PLXNC1: variants seen among roughly 807,000 people sequenced by gnomAD.
PLXNC1 encodes plexin C1.
A neutral mutation model predicts 178.2 loss-of-function variants in PLXNC1; 75 were observed. The observed-to-expected ratio is 0.42, with a 90% CI of 0.35 to 0.51. The LOEUF is 0.51. PLXNC1 is among the 20% of genes least tolerant of loss of function. The pLI is 0.02. For synonymous variants in PLXNC1, 790 were observed against 779.9 expected, an observed-to-expected ratio of 1.01 and a Z score of -0.22; for missense variants, 1,503 against 1,984.4, an observed-to-expected ratio of 0.76 and a Z score of 4.61.
rs555637123 is a variant in PLXNC1, at chr12:94,242,617, G to A, written c.2301-1321G>A. ...ATTTTATGGGGACACATTTTTTGGGGACACAGTTCAGTCCATAATAGTAAG... is the reference window on the plus strand; with the variant it reads ...ATTTTATGGGGACACATTTTTTGGGAACACAGTTCAGTCCATAATAGTAAG... On this transcript the variant is annotated intron_variant, in intron 11 of 30. Coordinates refer to ENST00000258526, the MANE Select transcript of PLXNC1 (RefSeq NM_005761.3). 2.6e-5 allele frequency among the ~76,000 whole-genome samples: 4 copies of A among 152,100 alleles called. No individual in the cohort carries two copies. The South Asian group carries it at 6.2e-4, about 24-fold the overall frequency.
At chr12:94,291,847 T>C (rs1967365154) in intron 23 of PLXNC1, among the ~76,000 whole-genome samples, 2 of 152,178 alleles carry the variant, frequency 1.3e-5, no homozygotes, top group South Asian at 4.1e-4. Context: ...GGGCTTCTAT[T>C]GATCCCATCA....
chr12:94,253,847 ATTTTTTT>A (rs1419261140), intron 15 of PLXNC1, among the ~76,000 whole-genome samples: 1 of 151,542 alleles, frequency 6.6e-6, no homozygotes, highest in African/African-American at 2.4e-5. Context: ...CTAATTTTCT[ATTTTTTT>A]GTAGAGACAG....
At chr12:94,257,232 G>C (rs1213371314) in intron 17 of PLXNC1, among the ~76,000 whole-genome samples, 1 of 152,172 alleles carries the variant, frequency 6.6e-6, no homozygotes, top group African/African-American at 2.4e-5. Context: ...TGGGGGCTGT[G>C]GGGGTAGGAT....
intron 1 of PLXNC1, among the ~76,000 whole-genome samples, chr12:94,156,965 G>C (rs970087878): frequency 6.6e-6 from 1 of 152,234 alleles, no homozygotes; most frequent in African/African-American, 2.4e-5. Flanking sequence ...TCCTTCCGAA[G>C]TGCTAAGATT....
chr12:94,267,925 C>T (rs1246590269), intron 21 of PLXNC1, among the ~76,000 whole-genome samples: 1 of 152,040 alleles, frequency 6.6e-6, no homozygotes, highest in Non-Finnish European at 1.5e-5. Flanking sequence ...CCCAAATTTG[C>T]CTGAGGTGGT....
At chr12:94,179,732 C>A (rs563826744) in intron 2 of PLXNC1, among the ~76,000 whole-genome samples, 396 of 124,170 alleles carry the variant, frequency 3.2e-3, no homozygotes, top group South Asian at 8.5e-3. Flanking sequence ...CTGAGTAAGA[C>A]TCCATCTCAA....
Position 94,237,795 on chromosome 12 carries a change from T to C in PLXNC1, c.2112T>C (p.Asp704=). The change falls in exon 10 of 31, where the codon GAT becomes GAC. Residue 704 remains aspartate (D), a synonymous_variant. Transcript: ENST00000258526. ...TMILKGTSTC[D]KDVIQVSHVL... ...TCCTGAAAGGAACCAGTACCTGTGA[T>C]AAGGATGTGTGAGTCGAAATACTAA... is the stretch of plus-strand genomic sequence containing the variant. 1 of 1,613,666 alleles carries C rather than the reference T, an allele frequency of 6.2e-7. No individual in the cohort carries two copies. Among genetic ancestry groups the C allele is most frequent in the Non-Finnish European group, 8.5e-7 (1 of 1,179,922 alleles).
chr12:94,160,673 C>G (rs920169105), intron 1 of PLXNC1, among the ~76,000 whole-genome samples: 1 of 152,216 alleles, frequency 6.6e-6, no homozygotes, highest in Non-Finnish European at 1.5e-5. Context: ...AGCCCCCGCA[C>G]TTAGCAATAT....
rs367886304 is a variant in PLXNC1 at position 94,169,135 on chromosome 12, G to A, written c.1063-18G>A. On this transcript the variant is annotated intron_variant, in intron 1 of 30. Transcript: ENST00000258526. ...AAAAATTATTATTATTTTTTTGTGC[G>A]TTTGTGTGCATGTTCAGAAAGAAGG... The A allele has an allele frequency of 2.7e-5, 43 of 1,606,366 alleles. No individual in the cohort carries two copies. Among genetic ancestry groups the A allele is most frequent in the Non-Finnish European group, 3.1e-5 (36 of 1,175,708 alleles).
At chr12:94,155,464 A>G (rs1023520454) in intron 1 of PLXNC1, among the ~76,000 whole-genome samples, 2 of 152,128 alleles carry the variant, frequency 1.3e-5, no homozygotes, top group African/African-American at 4.8e-5. Flanking sequence ...AGATAAAACA[A>G]TTTTCCTTGT....
In PLXNC1 at chr12:94,305,317, T is replaced by A. The variant is rs1470633700; in HGVS notation, c.*32T>A. Reference sequence around the variant, plus strand: ...TGGGGCCTGGCTTAATCTGGCAAAGTTCTTCAGACGACTTGGGAGCAAAAT... The same window carrying A: ...TGGGGCCTGGCTTAATCTGGCAAAGATCTTCAGACGACTTGGGAGCAAAAT... On this transcript the variant is annotated 3_prime_UTR_variant, in exon 31 of 31. Coordinates refer to ENST00000258526, the MANE Select transcript of PLXNC1 (RefSeq NM_005761.3). The A allele has an allele frequency of 8.7e-6, 12 of 1,376,422 alleles. No homozygotes were observed. Among genetic ancestry groups the A allele is most frequent in the African/African-American group, 1.5e-5 (1 of 68,944 alleles). The allele number at this position is 1,376,422 out of a possible 1,614,324, so 85.3% of individuals were successfully genotyped here.
chr12:94,258,967 T>C (rs1964926406), intron 17 of PLXNC1, among the ~76,000 whole-genome samples: 1 of 152,236 alleles, frequency 6.6e-6, no homozygotes. Flanking sequence ...CGTAATTTAG[T>C]CTTTATCTTT....
At chr12:94,194,154 C>A (rs1312237908) in intron 4 of PLXNC1, among the ~76,000 whole-genome samples, 9 of 151,938 alleles carry the variant, frequency 5.9e-5, no homozygotes, top group Admixed American at 5.9e-4. Context: ...TGGGGAGGTG[C>A]CACACACTTT....
chr12:94,269,381 C>A (rs1364218490), intron 21 of PLXNC1, among the ~76,000 whole-genome samples: 1 of 152,144 alleles, frequency 6.6e-6, no homozygotes. Flanking sequence ...AGGTTTATGC[C>A]AGCCTACCCC....
intron 6 of PLXNC1, among the ~76,000 whole-genome samples, chr12:94,223,750 T>C (rs1021389690): frequency 6.6e-6 from 1 of 152,352 alleles, no homozygotes; most frequent in Admixed American, 6.5e-5. Flanking sequence ...AAGAAGATCG[T>C]GGAACCCAGC....
chr12:94,257,114 C>T (rs192727638), intron 17 of PLXNC1, among the ~76,000 whole-genome samples: 2 of 152,130 alleles, frequency 1.3e-5, no homozygotes, highest in Admixed American at 1.3e-4. Flanking sequence ...GGAAACAGAT[C>T]GTAAGAAGAC....
chr12:94,220,255 C>A, intron 6 of PLXNC1, 92 bp downstream of exon 6: 1 of 1,270,940 alleles, frequency 7.9e-7, no homozygotes, highest in Non-Finnish European at 1.1e-6. Flanking sequence ...ATGAATAGTT[C>A]CCCCTCTGTA....
At chr12:94,229,049 C>T (rs1297581214) in intron 9 of PLXNC1, among the ~76,000 whole-genome samples, 1 of 152,184 alleles carries the variant, frequency 6.6e-6, no homozygotes, top group Non-Finnish European at 1.5e-5. Flanking sequence ...AGTTTCACCC[C>T]ATCCTCACCA....
intron 2 of PLXNC1, among the ~76,000 whole-genome samples, chr12:94,170,211 T>A (rs982486609): frequency 2.0e-5 from 3 of 152,168 alleles, no homozygotes; most frequent in Non-Finnish European, 4.4e-5. Context: ...TTTAGGTGAA[T>A]TGCTTAACCT....
Sources: allele counts gnomAD v4.1 joint callset (sites outside exome capture counted in the v4.1 genomes callset), GRCh38; gene constraint gnomAD v4.1.1; transcripts MANE v1.5; gene names NCBI Gene and HGNC (gene_info 2026-07-23, HGNC 2026-07-21).